Variants in DLGAP1 observed in about 807,000 individuals in gnomAD.
The protein encoded by DLGAP1 is disks large-associated protein 1.
Under a neutral mutation model 90.8 loss-of-function variants are expected in DLGAP1, and 11 were observed. That is an observed-to-expected ratio of 0.12 (90% CI 0.08 to 0.20). The LOEUF (loss-of-function observed/expected upper bound fraction) is 0.20. Ranked by LOEUF, DLGAP1 falls within the 10% of genes least tolerant of loss-of-function variation. DLGAP1 has a pLI of 1.00. For missense variants in DLGAP1, 1,050 were observed against 1,333.8 expected, an observed-to-expected ratio of 0.79 and a Z score of 3.31; for synonymous variants, 558 against 540.7, an observed-to-expected ratio of 1.03 and a Z score of -0.44.
In DLGAP1 at chr18:4,178,202, AACACACACACACACACAC is replaced by A. The variant is rs59444096; in HGVS notation, c.-266-26933_-266-26916del. Among the ~76,000 whole-genome samples, 190 of 118,476 alleles carry A rather than the reference AACACACACACACACACAC, an allele frequency of 1.6e-3. 1 individual carries two copies. The highest frequency in any genetic ancestry group is 7.2e-3 in the South Asian group (21 of 2,924). 77.7% of individuals were successfully genotyped at this position (118,476 alleles called of 152,430 possible). A position where few individuals can be genotyped will look rare whatever the true frequency, so the allele number is the denominator to read the frequency against. The stretch of plus-strand genomic sequence containing the variant: ...TAGAAATCCTACGGGTCCTGGAATA[AACACACACACACACACAC>A]ACACACACACACACACACACACACA... On this transcript the variant is annotated intron_variant, in intron 1 of 12. Transcript: ENST00000315677.
chr18:4,433,648 G>A (rs550999383), intron 1 of DLGAP1, among the ~76,000 whole-genome samples: 6 of 152,230 alleles, frequency 3.9e-5, no homozygotes, highest in Admixed American at 3.3e-4. Flanking sequence ...GACTAATGAT[G>A]GGTTGAGAGC....
chr18:4,409,355 G>A (rs991332171), intron 1 of DLGAP1, among the ~76,000 whole-genome samples: 2 of 151,986 alleles, frequency 1.3e-5, no homozygotes, highest in Non-Finnish European at 2.9e-5. Context: ...TTCCTATGTG[G>A]AAGGCAGTAA....
intron 3 of DLGAP1, among the ~76,000 whole-genome samples, chr18:3,991,499 A>T (rs1419320139): frequency 6.6e-6 from 1 of 152,206 alleles, no homozygotes; most frequent in African/African-American, 2.4e-5. Context: ...CATCCTTGAA[A>T]TAACACCGCA....
At chr18:4,146,769 T>C (rs1338708565) in intron 2 of DLGAP1, among the ~76,000 whole-genome samples, 3 of 152,224 alleles carry the variant, frequency 2.0e-5, no homozygotes, top group Admixed American at 1.3e-4. Flanking sequence ...TCTGTTGTTG[T>C]TATTTATGCT....
rs544337798 is a variant in DLGAP1, at chr18:4,324,776, C to G, written c.-267+130230G>C. Among the ~76,000 whole-genome samples, 23 of 41,500 alleles carry G rather than the reference C, an allele frequency of 5.5e-4. 1 individual carries two copies. In the East Asian group the frequency reaches 0.015, roughly 27 times the overall value. The allele number at this position is 41,500 out of a possible 152,430, so 27.2% of individuals were successfully genotyped here. On this transcript the variant is annotated intron_variant, in intron 1 of 12. Coordinates refer to ENST00000315677, the MANE Select transcript of DLGAP1 (RefSeq NM_004746.4). Reference sequence around the variant, plus strand: ...ACTAAAAACAAAAACCACATGATTACCTTAATTGATGCAGAAAAGCCTTTT... The same window carrying G: ...ACTAAAAACAAAAACCACATGATTAGCTTAATTGATGCAGAAAAGCCTTTT...
intron 1 of DLGAP1, among the ~76,000 whole-genome samples, chr18:4,415,657 C>T (rs2082883607): frequency 6.6e-6 from 1 of 152,260 alleles, no homozygotes; most frequent in East Asian, 1.9e-4. Flanking sequence ...AGGTTTTGCA[C>T]TTCAGCTGAT....
At chr18:3,695,759 TG>T (rs1434127416) in intron 7 of DLGAP1, among the ~76,000 whole-genome samples, 4 of 152,232 alleles carry the variant, frequency 2.6e-5, no homozygotes, top group Non-Finnish European at 5.9e-5. Flanking sequence ...GGTGGCTTGA[TG>T]GGGATAGCAT....
chr18:4,142,806 C>T (rs2076516750), intron 2 of DLGAP1, among the ~76,000 whole-genome samples: 1 of 152,048 alleles, frequency 6.6e-6, no homozygotes, highest in African/African-American at 2.4e-5. Flanking sequence ...ATGGGCATAT[C>T]TGTATTAGGC....
At chr18:3,633,192 T>C (rs1043810897) in intron 7 of DLGAP1, among the ~76,000 whole-genome samples, 2 of 152,096 alleles carry the variant, frequency 1.3e-5, no homozygotes, top group African/African-American at 4.8e-5. Context: ...GGTCAAGACA[T>C]TGAGACCATC....
chr18:3,906,830 G>A (rs974561301), intron 3 of DLGAP1, among the ~76,000 whole-genome samples: 2 of 152,250 alleles, frequency 1.3e-5, no homozygotes, highest in Admixed American at 6.5e-5. Flanking sequence ...CCATGAGTGT[G>A]GTTTACGCAA....
intron 5 of DLGAP1, among the ~76,000 whole-genome samples, chr18:3,808,837 C>T (rs1031606752): frequency 6.6e-6 from 1 of 152,036 alleles, no homozygotes; most frequent in African/African-American, 2.4e-5. Flanking sequence ...ACAACAACAA[C>T]AAAAGAGACT....
chr18:4,149,006 T>A (rs1459447110), intron 2 of DLGAP1, among the ~76,000 whole-genome samples: 1 of 152,200 alleles, frequency 6.6e-6, no homozygotes, highest in Admixed American at 6.5e-5. Flanking sequence ...TATGCCCAGA[T>A]AATATATATA....
chr18:4,452,772 C>T (rs528078425), intron 1 of DLGAP1, among the ~76,000 whole-genome samples: 44 of 152,220 alleles, frequency 2.9e-4, no homozygotes, highest in East Asian at 2.7e-3. Context: ...ATTAAAGATG[C>T]TAAACCATGA....
chr18:4,450,959 C>T (rs1171912892), intron 1 of DLGAP1, among the ~76,000 whole-genome samples: 1 of 152,166 alleles, frequency 6.6e-6, no homozygotes, highest in Non-Finnish European at 1.5e-5. Context: ...GGATCTGAGC[C>T]AAATATCTGT....
chr18:3,846,790 C>G (rs1272737711), intron 4 of DLGAP1, among the ~76,000 whole-genome samples: 1 of 152,018 alleles, frequency 6.6e-6, no homozygotes, highest in Non-Finnish European at 1.5e-5. Context: ...TGCCCTGGAC[C>G]TGGGGTAGGG....
At chr18:3,661,482 G>A (rs1307853804) in intron 7 of DLGAP1, among the ~76,000 whole-genome samples, 1 of 152,244 alleles carries the variant, frequency 6.6e-6, no homozygotes, top group African/African-American at 2.4e-5. Flanking sequence ...GTCCTGAGAC[G>A]GTCCTGATGG....
At chr18:3,924,975 C>T (rs766816031) in intron 3 of DLGAP1, among the ~76,000 whole-genome samples, 5 of 151,888 alleles carry the variant, frequency 3.3e-5, no homozygotes, top group Non-Finnish European at 5.9e-5. Flanking sequence ...TTTTTGGAGA[C>T]AGAGTCTTGC....
intron 7 of DLGAP1, chr18:3,708,405 G>A (rs1220548746): frequency 6.6e-6 from 3 of 456,462 alleles, no homozygotes; most frequent in Non-Finnish European, 1.3e-5. Context: ...GTTCATATGG[G>A]GTGATCTTTA....
At chr18:4,170,536 C>T (rs1027074474) in intron 1 of DLGAP1, among the ~76,000 whole-genome samples, 3 of 151,936 alleles carry the variant, frequency 2.0e-5, no homozygotes, top group Non-Finnish European at 4.4e-5. Flanking sequence ...AGAGATTTAA[C>T]GGAGTTTAGC....
Sources: allele counts gnomAD v4.1 joint callset (sites outside exome capture counted in the v4.1 genomes callset), GRCh38; gene constraint gnomAD v4.1.1; transcripts MANE v1.5; gene names NCBI Gene and HGNC (gene_info 2026-07-23, HGNC 2026-07-21).